Variants in ACTA2 observed in about 807,000 individuals in gnomAD.
ACTA2 encodes the protein actin alpha 2, smooth muscle, also known as actin, aortic smooth muscle.
ACTA2 carries 12 observed loss-of-function variants against 39.5 expected under a neutral mutation model. The observed-to-expected ratio is 0.30, with a 90% CI of 0.19 to 0.49. ACTA2 has a LOEUF of 0.49. ACTA2 is among the 20% of genes least tolerant of loss of function. The pLI is 0.99. For missense variants in ACTA2, 236 were observed against 498.8 expected (o/e 0.47, Z 5.02); for synonymous variants, 158 against 180.6 (o/e 0.88, Z 1.00).
intron 6 of ACTA2, chr10:88,940,027 G>A: frequency 2.6e-6 from 1 of 380,622 alleles, no homozygotes; most frequent in South Asian, 2.4e-5. Flanking sequence ...GGGTGGGCAG[G>A]ATAACTACTC....
chr10:88,982,025 G>T (rs879527264), intron 1 of ACTA2, among the ~76,000 whole-genome samples: 15 of 152,184 alleles, frequency 9.9e-5, no homozygotes, highest in African/African-American at 3.6e-4. Context: ...ATATAAAAGG[G>T]TCTAACACAT....
At chr10:88,946,275 CTTTTTTTT>C (rs35702314) in intron 3 of ACTA2, among the ~76,000 whole-genome samples, 1 of 117,086 alleles carries the variant, frequency 8.5e-6, no homozygotes, top group East Asian at 2.6e-4. Flanking sequence ...TTAATTAAAC[CTTTTTTTT>C]TTTTTTTTTT....
intron 1 of ACTA2, among the ~76,000 whole-genome samples, chr10:88,962,945 AT>A (rs1846256131): frequency 7.2e-5 from 1 of 13,836 alleles, no homozygotes; most frequent in African/African-American, 7.3e-4. Context: ...ATATATATAT[AT>A]ATATATATAT....
At chr10:88,971,505 C>T (rs191758501) in intron 1 of ACTA2, among the ~76,000 whole-genome samples, 12 of 152,306 alleles carry the variant, frequency 7.9e-5, no homozygotes, top group Non-Finnish European at 2.9e-5. Context: ...AGACATATTT[C>T]CTCAAATCCC....
intron 1 of ACTA2, chr10:88,973,112 T>C: frequency 6.8e-7 from 1 of 1,474,104 alleles, no homozygotes; most frequent in South Asian, 1.4e-5. Context: ...GTTTTATTTT[T>C]CTATTTTAAT....
chr10:88,962,912 CATATATATATATAT>C (rs60878394), intron 1 of ACTA2, among the ~76,000 whole-genome samples: 350 of 101,272 alleles, frequency 3.5e-3, no homozygotes, highest in Middle Eastern at 6.0e-3. Context: ...GGGAATGCCC[CATATATATATATAT>C]ATATATATAT....
intron 1 of ACTA2, among the ~76,000 whole-genome samples, chr10:88,971,126 T>A (rs889612187): frequency 6.6e-6 from 1 of 152,228 alleles, no homozygotes; most frequent in African/African-American, 2.4e-5. Context: ...TAGCCAATTG[T>A]AGATTTGGGC....
intron 1 of ACTA2, among the ~76,000 whole-genome samples, chr10:88,962,841 G>A (rs1846248698): frequency 1.3e-5 from 2 of 148,758 alleles, no homozygotes; most frequent in Admixed American, 1.4e-4. Flanking sequence ...CAATCATGGT[G>A]GAAGGTGAAG....
intron 4 of ACTA2, 76 bp downstream of exon 4, chr10:88,943,721 G>T: frequency 8.0e-7 from 1 of 1,253,274 alleles, no homozygotes; most frequent in Non-Finnish European, 1.2e-6. Flanking sequence ...CCTTCTCTCT[G>T]CTGTGCTGCA....
intron 1 of ACTA2, among the ~76,000 whole-genome samples, chr10:88,988,089 A>G (rs1358571428): frequency 1.3e-5 from 2 of 152,144 alleles, no homozygotes; most frequent in African/African-American, 4.8e-5. Flanking sequence ...CTCTACAATC[A>G]CGTGAGCCAA....
chr10:88,957,339 A>C, upstream of ACTA2, among the ~76,000 whole-genome samples: 1 of 152,216 alleles, frequency 6.6e-6, no homozygotes, highest in East Asian at 1.9e-4. Context: ...AGCACCTGTT[A>C]GATTTAGGAG....
At chr10:88,951,998 C>G (rs1033380262) in intron 1 of ACTA2, among the ~76,000 whole-genome samples, 1 of 152,160 alleles carries the variant, frequency 6.6e-6, no homozygotes, top group Non-Finnish European at 1.5e-5. Context: ...AGATGCAAAC[C>G]AGATATCCGG....
chr10:88,970,806 C>T (rs929878567), intron 1 of ACTA2, among the ~76,000 whole-genome samples: 3 of 151,916 alleles, frequency 2.0e-5, no homozygotes, highest in Admixed American at 6.6e-5. Flanking sequence ...CAACATGGCA[C>T]GTGTATACAT....
intron 1 of ACTA2, among the ~76,000 whole-genome samples, chr10:88,983,688 A>G (rs1846782965): frequency 6.6e-6 from 1 of 150,510 alleles, no homozygotes; most frequent in Admixed American, 6.6e-5. Flanking sequence ...TATAAGCATT[A>G]GATATTACTG....
chr10:88,972,358 T>C (rs193079109), intron 1 of ACTA2, among the ~76,000 whole-genome samples: 2 of 152,348 alleles, frequency 1.3e-5, no homozygotes, highest in African/African-American at 4.8e-5. Context: ...GTAATAGTAA[T>C]TGATGTCACA....
intron 1 of ACTA2, chr10:88,973,173 G>A (rs1287518750): frequency 6.2e-7 from 1 of 1,610,708 alleles, no homozygotes; most frequent in South Asian, 1.1e-5. Flanking sequence ...TCTTCTGTGT[G>A]ACCTATAGAT....
chr10:88,971,949 G>A (rs1047253935), intron 1 of ACTA2, among the ~76,000 whole-genome samples: 5 of 149,750 alleles, frequency 3.3e-5, no homozygotes, highest in African/African-American at 4.9e-5. Context: ...TTGCTCTGTC[G>A]CCAGGCTGGA....
intron 7 of ACTA2, 184 bp from the exon 8 acceptor site, chr10:88,938,426 CT>C: frequency 1.5e-6 from 1 of 660,758 alleles, no homozygotes; most frequent in Non-Finnish European, 2.6e-6. Context: ...TCCTGCCTGC[CT>C]TCTAATGAGG....
intron 1 of ACTA2, among the ~76,000 whole-genome samples, chr10:88,951,412 G>T (rs1392074160): frequency 1.3e-5 from 2 of 152,102 alleles, no homozygotes; most frequent in South Asian, 2.1e-4. Context: ...GGCAGTGATG[G>T]CTTGGGAGGA....
Sources: allele counts gnomAD v4.1 joint callset (sites outside exome capture counted in the v4.1 genomes callset), GRCh38; gene constraint gnomAD v4.1.1; transcripts MANE v1.5; gene names NCBI Gene and HGNC (gene_info 2026-07-23, HGNC 2026-07-21).